ATP8A2: variants seen among roughly 807,000 people sequenced by gnomAD.
ATP8A2 encodes the protein ATPase phospholipid transporting 8A2, also known as phospholipid-transporting ATPase IB.
Under a neutral mutation model 165.6 loss-of-function variants are expected in ATP8A2, and 100 were observed. The ratio of observed to expected loss-of-function variants is 0.60; its 90% CI spans 0.51 to 0.71. The LOEUF is 0.71. Among genes scored for constraint, ATP8A2 ranks in the 30% least tolerant of loss-of-function variants. ATP8A2 has a pLI of 0.00. For synonymous variants in ATP8A2, 543 were observed against 548.8 expected (o/e 0.99, Z 0.15); for missense variants, 1,227 against 1,479.5 (o/e 0.83, Z 2.80).
intron 33 of ATP8A2, chr13:25,863,309 C>T (rs998616810): frequency 7.2e-5 from 11 of 152,746 alleles, no homozygotes; most frequent in African/African-American, 2.4e-4. Context: ...TCTCTGGGCT[C>T]CCAGGACCCC....
chr13:25,661,299 A>C (rs2042045758), intron 24 of ATP8A2, among the ~76,000 whole-genome samples: 1 of 152,184 alleles, frequency 6.6e-6, no homozygotes, highest in African/African-American at 2.4e-5. Flanking sequence ...TACCAAGTCT[A>C]GGTGTGTACA....
chr13:25,731,442 G>T (rs1247952599), intron 25 of ATP8A2, among the ~76,000 whole-genome samples: 2 of 152,074 alleles, frequency 1.3e-5, no homozygotes, highest in African/African-American at 4.8e-5. Context: ...AAGGATTAAA[G>T]CCATAACAAT....
intron 27 of ATP8A2, among the ~76,000 whole-genome samples, chr13:25,785,232 G>A (rs1193946487): frequency 4.0e-5 from 6 of 151,604 alleles, no homozygotes; most frequent in African/African-American, 1.5e-4. Context: ...AACCCTGTCT[G>A]TACTAAAAAT....
chr13:25,612,158 T>C (rs922763773), intron 24 of ATP8A2, among the ~76,000 whole-genome samples: 1 of 152,156 alleles, frequency 6.6e-6, no homozygotes, highest in Non-Finnish European at 1.5e-5. Context: ...TCTTGGTTAT[T>C]TCTTTTTTTC....
intron 24 of ATP8A2, among the ~76,000 whole-genome samples, chr13:25,627,542 A>G (rs1283514544): frequency 6.6e-6 from 1 of 152,180 alleles, no homozygotes; most frequent in Non-Finnish European, 1.5e-5. Flanking sequence ...TCTCTCCACC[A>G]TCTCAACGCC....
chr13:25,826,382 A>G (rs1951313553), intron 27 of ATP8A2, among the ~76,000 whole-genome samples: 1 of 152,216 alleles, frequency 6.6e-6, no homozygotes, highest in Non-Finnish European at 1.5e-5. Flanking sequence ...AGCTGTATTT[A>G]AGGAAAACTT....
At chr13:25,727,063 T>A (rs1452269807) in intron 25 of ATP8A2, among the ~76,000 whole-genome samples, 1 of 152,138 alleles carries the variant, frequency 6.6e-6, no homozygotes, top group Non-Finnish European at 1.5e-5. Flanking sequence ...CCATCAGGGG[T>A]ACATGCATGC....
chr13:25,386,853 C>T (rs565112727), intron 1 of ATP8A2, among the ~76,000 whole-genome samples: 425 of 151,724 alleles, frequency 2.8e-3, no homozygotes, highest in African/African-American at 9.6e-3. Flanking sequence ...AAAAAGTAGC[C>T]GGGCGTGGTG....
intron 23 of ATP8A2, among the ~76,000 whole-genome samples, chr13:25,583,229 C>G (rs1283522683): frequency 6.6e-6 from 1 of 151,990 alleles, no homozygotes; most frequent in East Asian, 1.9e-4. Context: ...ATACATTGAC[C>G]CTTTATGTGT....
At chr13:25,484,043 T>C (rs1209789040) in intron 2 of ATP8A2, among the ~76,000 whole-genome samples, 1 of 152,212 alleles carries the variant, frequency 6.6e-6, no homozygotes, top group East Asian at 1.9e-4. Flanking sequence ...TTTGTACATA[T>C]ATGTTTTCTA....
At position 26,021,450 on chromosome 13, in the gene ATP8A2, A is replaced by G. The variant is rs1274650138; in HGVS notation, c.*1465A>G. 6.6e-6 allele frequency: 1 copy of G among 152,226 alleles called. No homozygotes were observed. Among genetic ancestry groups the G allele is most frequent in the South Asian group, 2.1e-4 (1 of 4,828 alleles). The allele number at this position is 152,226 out of a possible 1,614,324, so 9.4% of individuals were successfully genotyped here. A position where few individuals can be genotyped will look rare whatever the true frequency, so the allele number is the denominator to read the frequency against. Reference sequence around the variant, plus strand: ...TTTCTGTATCCCATCAGTGTTAGACACAGGTACCTATCAGAATACGGCATA... The same window carrying G: ...TTTCTGTATCCCATCAGTGTTAGACGCAGGTACCTATCAGAATACGGCATA... On this transcript the variant is annotated 3_prime_UTR_variant, in exon 37 of 37. Transcript: ENST00000381655.
chr13:26,016,246 A>T (rs190566442), intron 36 of ATP8A2, among the ~76,000 whole-genome samples: 3 of 152,200 alleles, frequency 2.0e-5, no homozygotes, highest in Admixed American at 2.0e-4. Flanking sequence ...GGTGCAGCCA[A>T]TGGGAACTAG....
intron 27 of ATP8A2, among the ~76,000 whole-genome samples, chr13:25,827,453 C>G (rs1448756618): frequency 6.6e-6 from 1 of 152,202 alleles, no homozygotes; most frequent in Non-Finnish European, 1.5e-5. Flanking sequence ...CTAATTATAT[C>G]CTGGCACTTG....
chr13:25,732,000 G>A (rs866655103), intron 25 of ATP8A2, among the ~76,000 whole-genome samples: 20 of 152,126 alleles, frequency 1.3e-4, no homozygotes, highest in South Asian at 2.1e-4. Context: ...TCAGGACTCC[G>A]GGGTCCCTGA....
intron 27 of ATP8A2, among the ~76,000 whole-genome samples, chr13:25,827,756 A>T (rs551732085): frequency 1.9e-4 from 29 of 152,374 alleles, no homozygotes; most frequent in African/African-American, 7.0e-4. Flanking sequence ...GCAAAGACAC[A>T]TCGTATTTCT....
chr13:25,387,103 T>G (rs749991720), intron 1 of ATP8A2, among the ~76,000 whole-genome samples: 4 of 152,336 alleles, frequency 2.6e-5, no homozygotes, highest in Non-Finnish European at 4.4e-5. Context: ...TATAGAGAAC[T>G]GGCTCATTCC....
At chr13:26,010,602 A>G (rs1956825505) in intron 35 of ATP8A2, among the ~76,000 whole-genome samples, 1 of 152,162 alleles carries the variant, frequency 6.6e-6, no homozygotes, top group Non-Finnish European at 1.5e-5. Flanking sequence ...CCACATTCTG[A>G]AACCAGGCAG....
intron 23 of ATP8A2, among the ~76,000 whole-genome samples, chr13:25,582,208 G>C (rs1406510775): frequency 6.6e-6 from 1 of 152,170 alleles, no homozygotes; most frequent in Non-Finnish European, 1.5e-5. Context: ...TTCAAGATTT[G>C]ACAGCTTTGA....
At chr13:25,619,408 A>C (rs1261272429) in intron 24 of ATP8A2, among the ~76,000 whole-genome samples, 1 of 152,216 alleles carries the variant, frequency 6.6e-6, no homozygotes, top group Non-Finnish European at 1.5e-5. Flanking sequence ...CTTTCAAAAA[A>C]TCATAAAGCA....
Sources: gnomAD v4.1 joint callset for allele counts (sites outside exome capture counted in the v4.1 genomes callset) on GRCh38, gnomAD v4.1.1 for gene constraint, MANE v1.5 for transcripts, NCBI Gene and HGNC (gene_info 2026-07-23, HGNC 2026-07-21) for gene names.